ADCY10: variants seen among roughly 807,000 people sequenced by gnomAD.
ADCY10 encodes adenylate cyclase type 10.
A neutral mutation model predicts 183.3 loss-of-function variants in ADCY10; 156 were observed. The observed-to-expected ratio is 0.85, with a 90% CI of 0.75 to 0.97. ADCY10 has a LOEUF of 0.97. ADCY10 is among the 50% of genes least tolerant of loss of function. The probability of loss-of-function intolerance (pLI) is 0.00; values close to 1 mark genes in which losing one functional copy is unlikely to be tolerated. For missense variants in ADCY10, 1,745 were observed against 1,934.3 expected (o/e 0.90, Z 1.84); for synonymous variants, 645 against 670.0 (o/e 0.96, Z 0.58).
intron 21 of ADCY10, among the ~76,000 whole-genome samples, chr1:167,841,988 G>T (rs1368318636): frequency 6.6e-6 from 1 of 152,200 alleles, no homozygotes; most frequent in Non-Finnish European, 1.5e-5. Flanking sequence ...TGAAATAGGT[G>T]GAAGAAGCTG....
In ADCY10 at chr1:167,824,806, T is replaced by C. The variant is rs143312764; in HGVS notation, c.3800A>G (p.Tyr1267Cys). The C allele has an allele frequency of 3.1e-6, 5 of 1,614,226 alleles. No individual in the cohort carries two copies. Among genetic ancestry groups the C allele is most frequent in the Middle Eastern group, 1.6e-4 (1 of 6,062 alleles). The change falls in exon 27 of 33, where the codon TAC (tyrosine) becomes TGC (cysteine). Residue 1267 changes from tyrosine to cysteine, a missense_variant. Tyr to Cys is a radical substitution (Grantham distance 194). Transcript: ENST00000367851. Reference sequence around the variant, plus strand: ...TTCATATTTGAACCACACACCTTTGTAGCCAGCCAGGTGGTGGTATAGCGA... The same window carrying C: ...TTCATATTTGAACCACACACCTTTGCAGCCAGCCAGGTGGTGGTATAGCGA... Reference protein sequence around the residue: ...DYSLYHHLAGYKGVWFKYEVM... With the variant: ...DYSLYHHLAGCKGVWFKYEVM...
At chr1:167,848,761 G>A (rs1665257952) in intron 18 of ADCY10, among the ~76,000 whole-genome samples, 1 of 151,964 alleles carries the variant, frequency 6.6e-6, no homozygotes, top group African/African-American at 2.4e-5. Context: ...AGCGATTCCT[G>A]CCTCAGCCTC....
Position 167,809,448 on chromosome 1 carries a change from A to G in ADCY10, c.*230T>C. The G allele has an allele frequency of 1.9e-6, 1 of 536,426 alleles. No individual in the cohort carries two copies. The highest frequency in any genetic ancestry group is 2.1e-5 in the South Asian group (1 of 47,018). The allele number at this position is 536,426 out of a possible 1,614,324, so 33.2% of individuals were successfully genotyped here. The stretch of plus-strand genomic sequence containing the variant: ...TGGGCTGAAATAAACAGGTCAAGCT[A>G]AAACAACATGAATGGTAAAAGCAAT... On this transcript the variant is annotated 3_prime_UTR_variant, in exon 33 of 33. Transcript: ENST00000367851.
chr1:167,875,402 T>C lies in ADCY10; in HGVS notation c.1407-216A>G, dbSNP rs76178219. On this transcript the variant is annotated intron_variant, in intron 12 of 32. Coordinates refer to ENST00000367851, the MANE Select transcript of ADCY10 (RefSeq NM_018417.6). ...AGAACTCAGGTAGCATCTGTTTCCA[T>C]AGCATCTGGCACATTGTTCAATAAA... Among the ~76,000 whole-genome samples, 610 of 145,064 alleles carry C rather than the reference T, an allele frequency of 4.2e-3. 4 individuals are homozygous for C. The highest frequency in any genetic ancestry group is 0.016 in the African/African-American group (595 of 38,132).
intron 14 of ADCY10, among the ~76,000 whole-genome samples, chr1:167,867,869 T>C (rs746374201): frequency 6.6e-6 from 1 of 152,000 alleles, no homozygotes; most frequent in Non-Finnish European, 1.5e-5. Flanking sequence ...TCTTGTGTCA[T>C]CTAGGCTACT....
At chr1:167,884,199 T>C (rs907233706) in intron 8 of ADCY10, among the ~76,000 whole-genome samples, 2 of 152,202 alleles carry the variant, frequency 1.3e-5, no homozygotes, top group Non-Finnish European at 2.9e-5. Context: ...CTGGGTAATT[T>C]ACAAGGAAAA....
At chr1:167,889,992 G>A (rs1443522238) in intron 8 of ADCY10, among the ~76,000 whole-genome samples, 1 of 152,062 alleles carries the variant, frequency 6.6e-6, no homozygotes, top group African/African-American at 2.4e-5. Context: ...ATTTCTTTGA[G>A]TTTCCTCAAA....
chr1:167,813,416 C>T (rs962028633), intron 31 of ADCY10, among the ~76,000 whole-genome samples: 51 of 151,668 alleles, frequency 3.4e-4, no homozygotes, highest in Non-Finnish European at 1.3e-4. Flanking sequence ...AAGCGTCCTT[C>T]GAAGATAAGG....
intron 1 of ADCY10, among the ~76,000 whole-genome samples, chr1:167,912,991 C>A (rs561788328): frequency 2.0e-5 from 3 of 152,194 alleles, no homozygotes; most frequent in African/African-American, 7.2e-5. Context: ...CATTTGTATA[C>A]GCTTTATAGC....
intron 5 of ADCY10, among the ~76,000 whole-genome samples, chr1:167,900,361 A>G (rs1156396631): frequency 6.6e-6 from 1 of 152,096 alleles, no homozygotes; most frequent in East Asian, 1.9e-4. Flanking sequence ...GACTTACTCT[A>G]AAAAAAGGTG....
chr1:167,819,493 C>T (rs1662744283), intron 30 of ADCY10, among the ~76,000 whole-genome samples: 1 of 152,136 alleles, frequency 6.6e-6, no homozygotes, highest in South Asian at 2.1e-4. Flanking sequence ...CCCACCTCAG[C>T]CTCCCAAAGT....
intron 13 of ADCY10, among the ~76,000 whole-genome samples, chr1:167,874,488 G>A (rs547458068): frequency 1.4e-4 from 22 of 152,272 alleles, no homozygotes; most frequent in African/African-American, 5.3e-4. Context: ...CTAAGTTGTT[G>A]CCAAAGATGA....
chr1:167,812,581 C>T (rs1199824292), intron 31 of ADCY10, among the ~76,000 whole-genome samples: 1 of 152,122 alleles, frequency 6.6e-6, no homozygotes, highest in Non-Finnish European at 1.5e-5. Flanking sequence ...ATTCAAAGGT[C>T]TAGTTTCCAA....
chr1:167,855,030 C>T (rs372676393), intron 17 of ADCY10, among the ~76,000 whole-genome samples: 2 of 152,066 alleles, frequency 1.3e-5, no homozygotes, highest in African/African-American at 2.4e-5. Context: ...GCTGTCAGGA[C>T]GCCAGGAGAG....
intron 1 of ADCY10, among the ~76,000 whole-genome samples, chr1:167,907,018 C>G (rs896262972): frequency 1.3e-5 from 2 of 152,134 alleles, no homozygotes; most frequent in Non-Finnish European, 2.9e-5. Context: ...AAAAGTATAA[C>G]AAGCATTGCT....
rs915823767 is a variant in ADCY10, at chr1:167,866,247, A to G, written c.1616+4010T>C. ...CAACAAGAGGGAGGAAAAATAAGAC[A>G]TCGTAAAGCGAGAGAAGCCCCCTTA... On this transcript the variant is annotated intron_variant, in intron 14 of 32. Coordinates refer to ENST00000367851, the MANE Select transcript of ADCY10 (RefSeq NM_018417.6). Among the ~76,000 whole-genome samples the G allele has an allele frequency of 4.6e-5, 7 of 152,182 alleles. No individual in the cohort carries two copies. The East Asian group carries it at 1.2e-3, about 25-fold the overall frequency.
At chr1:167,831,369 T>A (rs1663720847) in intron 25 of ADCY10, among the ~76,000 whole-genome samples, 1 of 152,172 alleles carries the variant, frequency 6.6e-6, no homozygotes, top group South Asian at 2.1e-4. Context: ...TTTTTCTGTA[T>A]TTTTAGTAGA....
chr1:167,865,314 A>G (rs1666604936), intron 14 of ADCY10, among the ~76,000 whole-genome samples: 1 of 152,242 alleles, frequency 6.6e-6, no homozygotes, highest in South Asian at 2.1e-4. Flanking sequence ...TGTGTAAACT[A>G]ATTAGCTAAA....
intron 31 of ADCY10, among the ~76,000 whole-genome samples, chr1:167,813,366 C>CA (rs915205037): frequency 7.4e-4 from 111 of 149,986 alleles, no homozygotes; most frequent in South Asian, 1.1e-3. Flanking sequence ...ATTAAAAAAA[C>CA]AAAAAAAAAC....
Sources: gnomAD v4.1 joint callset for allele counts (sites outside exome capture counted in the v4.1 genomes callset) on GRCh38, gnomAD v4.1.1 for gene constraint, MANE v1.5 for transcripts, NCBI Gene and HGNC (gene_info 2026-07-23, HGNC 2026-07-21) for gene names.